Variants in PWWP3A observed in about 807,000 individuals in gnomAD.
PWWP3A encodes the protein PWWP domain containing 3A, DNA repair factor.
In PWWP3A, 53 loss-of-function variants were observed where a neutral mutation model predicts 79.0. That is an observed-to-expected ratio of 0.67 (90% CI 0.54 to 0.84). PWWP3A has a LOEUF of 0.84. PWWP3A is among the 40% of genes least tolerant of loss of function. PWWP3A has a pLI of 0.00. For synonymous variants in PWWP3A, 443 were observed against 394.4 expected (o/e 1.12, Z -1.46); for missense variants, 973 against 948.0 (o/e 1.03, Z -0.35).
chr19:1,376,727 T>A lies in PWWP3A; in HGVS notation c.*151T>A. ...GCGTGGCAGTCCTGATTTCCATGCTTCTGGAGAATCCATTTCGTTAACACT... is the reference window on the plus strand; with the variant it reads ...GCGTGGCAGTCCTGATTTCCATGCTACTGGAGAATCCATTTCGTTAACACT... On this transcript the variant is annotated 3_prime_UTR_variant, in exon 14 of 14. Coordinates refer to ENST00000591337, the MANE Select transcript of PWWP3A (RefSeq NM_001369789.1). 5.2e-6 allele frequency: 3 copies of A among 580,096 alleles called. No homozygotes were observed. Among genetic ancestry groups the A allele is most frequent in the South Asian group, 4.7e-5 (2 of 42,726 alleles). The allele number at this position is 580,096 out of a possible 1,614,324, so 35.9% of individuals were successfully genotyped here.
At chr19:1,371,173 G>A (rs1174963236) in intron 12 of PWWP3A, 95 bp downstream of exon 12, 4 of 1,420,904 alleles carry the variant, frequency 2.8e-6, no homozygotes, top group Non-Finnish European at 2.9e-6. Flanking sequence ...CCTCGCCCCT[G>A]CTCCCTGGCC....
At chr19:1,370,355 C>T (rs538568161) in intron 11 of PWWP3A, among the ~76,000 whole-genome samples, 31 of 152,284 alleles carry the variant, frequency 2.0e-4, no homozygotes, top group Admixed American at 1.8e-3. Context: ...GAGGAGTGGA[C>T]GTGGCTGAAT....
intron 13 of PWWP3A, chr19:1,374,404 G>A (rs1216698079): frequency 3.3e-5 from 5 of 152,230 alleles, no homozygotes; most frequent in African/African-American, 9.7e-5. Context: ...TTTGGCCTCA[G>A]TGGAGCCTTG....
intron 13 of PWWP3A, among the ~76,000 whole-genome samples, chr19:1,375,874 C>T (rs2082379350): frequency 2.5e-5 from 3 of 122,384 alleles, no homozygotes; most frequent in South Asian, 5.0e-4. Context: ...GGCACAGTCT[C>T]GGCCCACTGC....
chr19:1,366,305 G>C lies in PWWP3A; in HGVS notation c.1285G>C (p.Val429Leu). 6.2e-7 allele frequency: 1 copy of C among 1,614,106 alleles called. No homozygotes were observed. The highest frequency in any genetic ancestry group is 2.2e-5 in the East Asian group (1 of 44,892). ...TTTATTTTCTTGGATTTGTGAACAGGTCAAAAGCGTCAGGCAGAGAGATAA... is the reference window on the plus strand; with the variant it reads ...TTTATTTTCTTGGATTTGTGAACAGCTCAAAAGCGTCAGGCAGAGAGATAA... ...HKKYPFWPAV[V>L]KSVRQRDKKA... Residue 429 changes from valine (V) to leucine (L), a missense_variant and splice_region_variant, in exon 8 of 14, where the codon GTC (valine) becomes CTC (leucine). Transcript: ENST00000591337.
Position 1,371,452 on chromosome 19 carries a change from C to G in PWWP3A, c.1986+374C>G, listed in dbSNP as rs1347510104. On this transcript the variant is annotated intron_variant, in intron 12 of 13. Coordinates refer to ENST00000591337, the MANE Select transcript of PWWP3A (RefSeq NM_001369789.1). Reference sequence around the variant, plus strand: ...CCAAGTCAGAATCGCATTTAGTACCCAGATAAACCCACTGTAAGTTGAAAA... The same window carrying G: ...CCAAGTCAGAATCGCATTTAGTACCGAGATAAACCCACTGTAAGTTGAAAA... The G allele has an allele frequency of 4.3e-6, 3 of 696,608 alleles. No individual in the cohort carries two copies. The Admixed American group carries it at 6.0e-5, about 14-fold the overall frequency. 43.2% of individuals were successfully genotyped at this position (696,608 alleles called of 1,614,324 possible).
chr19:1,362,748 G>C (rs1255390119), intron 6 of PWWP3A, among the ~76,000 whole-genome samples: 1 of 152,254 alleles, frequency 6.6e-6, no homozygotes, highest in African/African-American at 2.4e-5. Context: ...CGTTTGGGGG[G>C]CTGTCCAGGG....
rs2082200414 is a variant in PWWP3A at position 1,369,347 on chromosome 19, G to T, written c.1498+7G>T. 1 of 1,613,006 alleles carries T rather than the reference G, an allele frequency of 6.2e-7. No homozygotes were observed. Among genetic ancestry groups the T allele is most frequent in the Non-Finnish European group, 8.5e-7 (1 of 1,179,894 alleles). On this transcript the variant is annotated splice_region_variant and intron_variant, in intron 10 of 13. Transcript: ENST00000591337. This position sits in a 1 kb window ranked among gnomAD's most constrained non-coding sequence, Gnocchi z 4.0. ...GACTACAGGGTCCGGTTAGGTACGT[G>T]GGGTGCTGGGGAGGGGTGGAGCTGG...
At position 1,371,045 on chromosome 19, in the gene PWWP3A, G is replaced by A; in HGVS notation, c.1953G>A (p.Arg651=). The change falls in exon 12 of 14, where the codon CGG becomes CGA. Residue 651 remains arginine (R), a synonymous_variant. Transcript: ENST00000591337. ...TGCTCCAGCGCACCAACGGCGACCGGATCCGGTTCATTCTGGACGTGCTTC... is the reference window on the plus strand; with the variant it reads ...TGCTCCAGCGCACCAACGGCGACCGAATCCGGTTCATTCTGGACGTGCTTC... ...AKVLQRTNGD[R]IRFILDVLLP... is the part of the protein sequence containing the mutation. 6.4e-7 allele frequency: 1 copy of A among 1,571,886 alleles called. No homozygotes were observed. Among genetic ancestry groups the A allele is most frequent in the Non-Finnish European group, 8.6e-7 (1 of 1,158,400 alleles).
In PWWP3A at chr19:1,372,744, G is replaced by A. The variant is rs202132714; in HGVS notation, c.1987-328G>A. On this transcript the variant is annotated intron_variant, in intron 12 of 13. Coordinates refer to ENST00000591337, the MANE Select transcript of PWWP3A (RefSeq NM_001369789.1). ...TGCGCTCCAGCCTGGGCGACAGGGC[G>A]AGACTCTGTACCAGAAAAAACCGCC... 82 of 234,018 alleles carry A rather than the reference G, an allele frequency of 3.5e-4. No homozygotes were observed. The East Asian group carries it at 8.0e-3, about 23-fold the overall frequency. The allele number at this position is 234,018 out of a possible 1,614,324, so 14.5% of individuals were successfully genotyped here.
Position 1,368,364 on chromosome 19 carries a change from C to T in PWWP3A, c.1423-901C>T, listed in dbSNP as rs952335025. On this transcript the variant is annotated intron_variant, in intron 9 of 13. Transcript: ENST00000591337. This position sits in a 1 kb window ranked among gnomAD's most constrained non-coding sequence, Gnocchi z 4.7. The stretch of plus-strand genomic sequence containing the variant: ...AGCACAGGGTGCCCGCTTCTTCTTC[C>T]TAAGAGTGCGCTCACATCTGCTTGT... Among the ~76,000 whole-genome samples, 2 of 152,160 alleles carry T rather than the reference C, an allele frequency of 1.3e-5. No individual in the cohort carries two copies. The highest frequency in any genetic ancestry group is 2.9e-5 in the Non-Finnish European group (2 of 68,038).
chr19:1,370,818 G>A lies in PWWP3A; in HGVS notation c.1726G>A (p.Val576Met). 6.4e-7 allele frequency: 1 copy of A among 1,571,388 alleles called. No individual in the cohort carries two copies. The highest frequency in any genetic ancestry group is 8.6e-7 in the Non-Finnish European group (1 of 1,158,206). ...CCGGGACCGGGCCAACCAGAAGCTG[G>A]TGGAGTACATTGTGAAGGCCAAGGG... ...AARDRANQKL[V>M]EYIVKAKGAE... is the part of the protein sequence containing the mutation. The change falls in exon 12 of 14, where the codon GTG becomes ATG. Residue 576 changes from valine (V) to methionine (M), a missense_variant. Val to Met is a conservative substitution (Grantham distance 21). Coordinates refer to ENST00000591337, the MANE Select transcript of PWWP3A (RefSeq NM_001369789.1).
chr19:1,361,970 G>A (rs1220406599), intron 5 of PWWP3A: 6 of 321,802 alleles, frequency 1.9e-5, no homozygotes, highest in Non-Finnish European at 3.5e-5. Flanking sequence ...GGTGCGCGCA[G>A]CTTCTGTGGC....
chr19:1,376,591 G>C lies in PWWP3A; in HGVS notation c.*15G>C, dbSNP rs1190772753. The C allele has an allele frequency of 6.2e-7, 1 of 1,613,136 alleles. No individual in the cohort carries two copies. Among genetic ancestry groups the C allele is most frequent in the Non-Finnish European group, 8.5e-7 (1 of 1,179,756 alleles). On this transcript the variant is annotated 3_prime_UTR_variant, in exon 14 of 14. Transcript: ENST00000591337. ...GCCGTCGGTGAGGGAGCAGCCGGCT[G>C]TGCTGTCAGCGGGGCCTGGCGGTGG...
Position 1,356,171 on chromosome 19 carries a change from C to T in PWWP3A, c.-69-153C>T, listed in dbSNP as rs1382422749. 3.7e-6 allele frequency: 2 copies of T among 538,152 alleles called. 1 individual carries two copies. Among genetic ancestry groups the T allele is most frequent in the Non-Finnish European group, 6.7e-6 (2 of 298,664 alleles). The allele number at this position is 538,152 out of a possible 1,614,324, so 33.3% of individuals were successfully genotyped here. On this transcript the variant is annotated intron_variant, in intron 1 of 13. Coordinates refer to ENST00000591337, the MANE Select transcript of PWWP3A (RefSeq NM_001369789.1). ...AGCCCCGTCGTTTCTGTTTGTCAGT[C>T]TGCTTTTTGGCATTGAGCATCTCAA... is the stretch of plus-strand genomic sequence containing the variant.
In PWWP3A at chr19:1,360,148, A is replaced by C. The variant is rs545794786; in HGVS notation, c.227A>C (p.Glu76Ala). 5 of 1,559,796 alleles carry C rather than the reference A, an allele frequency of 3.2e-6. No individual in the cohort carries two copies. The Admixed American group carries it at 9.8e-5, about 31-fold the overall frequency. ...AIASSLASQN[E>A]VPAAPLEELA... ...TCGGTCCTTGCAGCCTCACAGAATG[A>C]GGTTCCTGCGGCACCCCTGGAAGAA... Residue 76 changes from glutamate (E) to alanine (A), a missense_variant, in exon 5 of 14, where the codon GAG (glutamate) becomes GCG (alanine). Glu to Ala is a moderately radical substitution (Grantham distance 107, BLOSUM62 -1). Transcript: ENST00000591337. This position sits in a 1 kb window ranked among gnomAD's most constrained non-coding sequence, Gnocchi z 4.4.
At chr19:1,364,398 TTTAACAATATCGTGC>T (rs2082085433) in intron 6 of PWWP3A, 96 bp from the exon 7 acceptor site, 1 of 786,432 alleles carries the variant, frequency 1.3e-6, no homozygotes, top group Non-Finnish European at 2.1e-6. Flanking sequence ...AAAGTCAGGT[TTTAACAATATCGTGC>T]TAACTGTGTT....
intron 13 of PWWP3A, among the ~76,000 whole-genome samples, chr19:1,374,574 C>T (rs145833040): frequency 3.2e-4 from 48 of 152,264 alleles, no homozygotes; most frequent in African/African-American, 1.1e-3. Flanking sequence ...GTGTGCTCTC[C>T]CCTATTTCCA....
intron 1 of PWWP3A, among the ~76,000 whole-genome samples, chr19:1,355,559 G>C (rs1278581564): frequency 7.7e-6 from 1 of 130,706 alleles, no homozygotes; most frequent in African/African-American, 3.0e-5. Flanking sequence ...CCTCGTTCTT[G>C]CTCCCTGAGC....
Sources: allele counts gnomAD v4.1 joint callset (sites outside exome capture counted in the v4.1 genomes callset), GRCh38; gene constraint gnomAD v4.1.1; non-coding constraint Gnocchi (gnomAD v3.1); transcripts MANE v1.5; gene names NCBI Gene and HGNC (gene_info 2026-07-23, HGNC 2026-07-21).